The following SAMMSON variants were observed in gnomAD, a reference collection of about 807,000 sequenced individuals.
The protein encoded by SAMMSON is survival associated mitochondrial melanoma specific oncogenic non-coding RNA.
At chr3:70,243,381 A>C (rs1215724633) in intron 4 of SAMMSON, among the ~76,000 whole-genome samples, 3 of 152,064 alleles carry the variant, frequency 2.0e-5, no homozygotes, top group Non-Finnish European at 4.4e-5. Flanking sequence ...TAGGTAATGA[A>C]TTGTATTATT....
chr3:70,347,682 C>A (rs1237774994), intron 7 of SAMMSON, among the ~76,000 whole-genome samples: 1 of 152,286 alleles, frequency 6.6e-6, no homozygotes, highest in South Asian at 2.1e-4. Flanking sequence ...AGACCTGGCC[C>A]TACTAAGTTT....
chr3:70,196,321 A>G (rs922745321), intron 4 of SAMMSON, among the ~76,000 whole-genome samples: 4 of 152,188 alleles, frequency 2.6e-5, no homozygotes, highest in African/African-American at 4.8e-5. Flanking sequence ...TTCACTGGAG[A>G]TGTTTTAGAG....
At chr3:70,086,207 C>T (rs911541947) in intron 4 of SAMMSON, among the ~76,000 whole-genome samples, 2 of 152,182 alleles carry the variant, frequency 1.3e-5, no homozygotes, top group Admixed American at 1.3e-4. Flanking sequence ...GCTCAGGGGC[C>T]ATGGCTTGCC....
chr3:70,173,479 G>A (rs749595521), intron 4 of SAMMSON, among the ~76,000 whole-genome samples: 1 of 151,662 alleles, frequency 6.6e-6, no homozygotes, highest in African/African-American at 2.4e-5. Flanking sequence ...AACTAAAAAA[G>A]CAAATATATG....
chr3:70,120,123 TC>T (rs1379942714), intron 4 of SAMMSON: 15 of 152,184 alleles, frequency 9.9e-5, no homozygotes, highest in South Asian at 2.1e-4. Context: ...AGTCAGATTT[TC>T]TAGTTAACAC....
chr3:70,237,116 A>C (rs1252373551), intron 4 of SAMMSON, among the ~76,000 whole-genome samples: 1 of 152,144 alleles, frequency 6.6e-6, no homozygotes, highest in Non-Finnish European at 1.5e-5. Context: ...GATCTTTTGC[A>C]TTCATTCTCG....
chr3:70,125,923 C>T (rs79642362), intron 4 of SAMMSON: 2 of 727,088 alleles, frequency 2.8e-6, no homozygotes, highest in Non-Finnish European at 4.9e-6. Flanking sequence ...GTCTTCTGGC[C>T]AAGGAGGTTC....
intron 4 of SAMMSON, among the ~76,000 whole-genome samples, chr3:70,169,209 C>G (rs565266776): frequency 6.6e-6 from 1 of 152,072 alleles, no homozygotes; most frequent in African/African-American, 2.4e-5. Context: ...AATAATCTTT[C>G]AAAGCAAAAG....
chr3:70,075,169 T>C (rs1315499858), intron 4 of SAMMSON: 1 of 152,038 alleles, frequency 6.6e-6, no homozygotes, highest in Non-Finnish European at 1.5e-5. Context: ...TACGTTGCAA[T>C]TTGGAAAGTG....
chr3:70,261,376 T>C (rs757664853), intron 6 of SAMMSON, among the ~76,000 whole-genome samples: 5 of 152,210 alleles, frequency 3.3e-5, no homozygotes, highest in Non-Finnish European at 7.4e-5. Context: ...TGAACATGCA[T>C]ATGTTTAATC....
intron 2 of SAMMSON, among the ~76,000 whole-genome samples, chr3:70,402,933 A>G (rs1701152366): frequency 6.6e-6 from 1 of 151,960 alleles, no homozygotes; most frequent in African/African-American, 2.4e-5. Context: ...ATATGTGTGT[A>G]TATATATTAT....
intron 3 of SAMMSON, chr3:70,030,722 G>T (rs1357590437): frequency 2.0e-5 from 3 of 152,072 alleles, no homozygotes; most frequent in Non-Finnish European, 2.9e-5. Context: ...ATTCAAAAAT[G>T]GGCAAAGGAC....
chr3:70,392,022 T>C (rs1701052946), downstream of SAMMSON, among the ~76,000 whole-genome samples: 1 of 152,156 alleles, frequency 6.6e-6, no homozygotes, highest in Admixed American at 6.6e-5. Flanking sequence ...TGCTCACAAA[T>C]GGCCGCCTTC....
Position 70,304,057 on chromosome 3 carries a change from C to A in SAMMSON, n.739+12814C>A, listed in dbSNP as rs139480974. On this transcript the variant is annotated intron_variant and non_coding_transcript_variant, in intron 7 of 9. Transcript: ENST00000642114. ...ATAAACTATATCTTTAGTAGGCATT[C>A]CCAGGGTTAGGAGTTTATTGCAATC... Among the ~76,000 whole-genome samples, 8 of 152,238 alleles carry A rather than the reference C, an allele frequency of 5.3e-5. No individual in the cohort carries two copies. The East Asian group carries it at 1.5e-3, about 29-fold the overall frequency.
intron 4 of SAMMSON, among the ~76,000 whole-genome samples, chr3:70,166,159 C>A (rs1034844767): frequency 8.6e-5 from 13 of 151,944 alleles, no homozygotes; most frequent in African/African-American, 2.9e-4. Context: ...CAGAGTCAGC[C>A]AAACCTGGGG....
rs9852112 is a variant in SAMMSON, at chr3:70,164,902, A to G, written n.508-84205A>G. On this transcript the variant is annotated intron_variant and non_coding_transcript_variant, in intron 4 of 9. Transcript: ENST00000642114. ...AGACTTTGGGGCTTTAAAAAAGAAAACTTACAAACTGCTTCTTTGCATTAT... is the reference window on the plus strand; with the variant it reads ...AGACTTTGGGGCTTTAAAAAAGAAAGCTTACAAACTGCTTCTTTGCATTAT... 8.0e-3 allele frequency among the ~76,000 whole-genome samples: 1,216 copies of G among 152,172 alleles called. 16 individuals carry two copies. The highest frequency in any genetic ancestry group is 0.028 in the African/African-American group (1,165 of 41,544).
At chr3:70,002,983 A>T (rs2066911911) in intron 1 of SAMMSON, among the ~76,000 whole-genome samples, 1 of 152,120 alleles carries the variant, frequency 6.6e-6, no homozygotes, top group Non-Finnish European at 1.5e-5. Context: ...GGATTTACCT[A>T]CTACTTGTTA....
chr3:70,349,989 T>C (rs1702781651), intron 7 of SAMMSON, among the ~76,000 whole-genome samples: 1 of 152,208 alleles, frequency 6.6e-6, no homozygotes, highest in South Asian at 2.1e-4. Flanking sequence ...TATTAGAAAG[T>C]CTATAGATAC....
intron 4 of SAMMSON, among the ~76,000 whole-genome samples, chr3:70,083,059 T>C (rs946751530): frequency 2.0e-5 from 3 of 152,220 alleles, no homozygotes; most frequent in Non-Finnish European, 1.5e-5. Context: ...TAATCTTCGT[T>C]GTCATTTCCT....
Sources: gnomAD v4.1 joint callset for allele counts (sites outside exome capture counted in the v4.1 genomes callset) on GRCh38, gnomAD v4.1.1 for gene constraint, MANE v1.5 for transcripts, NCBI Gene and HGNC (gene_info 2026-07-23, HGNC 2026-07-21) for gene names.